Variants in LRRC75A observed in about 807,000 individuals in gnomAD.
LRRC75A encodes the protein leucine rich repeat containing 75A.
In LRRC75A, 12 loss-of-function variants were observed where a neutral mutation model predicts 26.0. The observed-to-expected ratio is 0.46, with a 90% CI of 0.30 to 0.75. The LOEUF is 0.75. Among genes scored for constraint, LRRC75A ranks in the 30% least tolerant of loss-of-function variants. The pLI, the probability that LRRC75A is intolerant of heterozygous loss-of-function variation, is 0.08. For synonymous variants in LRRC75A, 223 were observed against 219.3 expected (o/e 1.02, Z -0.15); for missense variants, 410 against 486.6 (o/e 0.84, Z 1.48).
intron 1 of LRRC75A, among the ~76,000 whole-genome samples, chr17:16,468,757 C>T (rs906694378): frequency 2.0e-5 from 3 of 152,204 alleles, no homozygotes; most frequent in African/African-American, 7.2e-5. Flanking sequence ...GGCCCGGTGG[C>T]TCATGCCTGT....
At chr17:16,472,620 C>T (rs997769919) in intron 1 of LRRC75A, among the ~76,000 whole-genome samples, 6 of 152,140 alleles carry the variant, frequency 3.9e-5, no homozygotes, top group African/African-American at 7.2e-5. Context: ...CTGGGGCATA[C>T]GGAAATCTGG....
chr17:16,445,786 A>G (rs35076500), intron 3 of LRRC75A, among the ~76,000 whole-genome samples: 52,717 of 152,182 alleles, frequency 0.35, 9,541 homozygotes, highest in Non-Finnish European at 0.38. Flanking sequence ...ATAAAGACCC[A>G]TTCCACCAGG....
intron 1 of LRRC75A, among the ~76,000 whole-genome samples, chr17:16,486,417 C>G (rs923561529): frequency 2.0e-5 from 3 of 152,222 alleles, no homozygotes; most frequent in Non-Finnish European, 4.4e-5. Context: ...ATTTCCCCAG[C>G]CAGTGTCCCT....
intron 1 of LRRC75A, among the ~76,000 whole-genome samples, chr17:16,468,421 T>G (rs1327467615): frequency 6.6e-6 from 1 of 152,146 alleles, no homozygotes; most frequent in Non-Finnish European, 1.5e-5. Context: ...TGGTGAACCT[T>G]GAGGACACAG....
At chr17:16,465,319 G>A (rs1451070881) in intron 1 of LRRC75A, among the ~76,000 whole-genome samples, 2 of 152,196 alleles carry the variant, frequency 1.3e-5, no homozygotes, top group Non-Finnish European at 2.9e-5. Context: ...GCCCCAACTC[G>A]CTGTAAGTCT....
At chr17:16,465,204 C>T (rs1255072270) in intron 1 of LRRC75A, among the ~76,000 whole-genome samples, 2 of 152,228 alleles carry the variant, frequency 1.3e-5, no homozygotes, top group African/African-American at 4.8e-5. Flanking sequence ...CACCCCTCTC[C>T]TCTGTGAGCA....
chr17:16,479,617 G>A, intron 1 of LRRC75A, among the ~76,000 whole-genome samples: 1 of 152,228 alleles, frequency 6.6e-6, no homozygotes, highest in South Asian at 2.1e-4. Flanking sequence ...AGGCATCCTT[G>A]AGTGACCTGA....
intron 1 of LRRC75A, among the ~76,000 whole-genome samples, chr17:16,485,586 G>C (rs1022129928): frequency 2.0e-5 from 3 of 151,756 alleles, no homozygotes; most frequent in African/African-American, 7.3e-5. Flanking sequence ...AGCCGGAAAG[G>C]ACTAAGACAG....
At chr17:16,478,950 G>A (rs7214658) in intron 1 of LRRC75A, among the ~76,000 whole-genome samples, 9 of 152,208 alleles carry the variant, frequency 5.9e-5, no homozygotes, top group South Asian at 2.1e-4. Flanking sequence ...GTTACTTACC[G>A]GGGTGGGAGC....
chr17:16,487,839 T>C (rs138397287), intron 1 of LRRC75A, among the ~76,000 whole-genome samples: 61 of 152,314 alleles, frequency 4.0e-4, no homozygotes, highest in African/African-American at 1.5e-3. Flanking sequence ...TTCCAGGCCC[T>C]AGCCATACCA....
At chr17:16,460,186 C>T (rs562147807) in intron 2 of LRRC75A, among the ~76,000 whole-genome samples, 52 of 152,286 alleles carry the variant, frequency 3.4e-4, no homozygotes, top group Admixed American at 6.5e-4. Flanking sequence ...TTGCCAGTCA[C>T]CAACCAGGCT....
intron 2 of LRRC75A, 166 bp from the exon 3 acceptor site, chr17:16,448,126 G>A (rs1257723764): frequency 1.5e-6 from 1 of 656,156 alleles, no homozygotes; most frequent in Non-Finnish European, 2.8e-6. Flanking sequence ...AGCAGTGGCT[G>A]CAAACAGATC....
intron 2 of LRRC75A, among the ~76,000 whole-genome samples, chr17:16,453,187 G>T (rs2093647089): frequency 6.6e-6 from 1 of 152,112 alleles, no homozygotes; most frequent in Non-Finnish European, 1.5e-5. Flanking sequence ...TACTTGGGAG[G>T]CTGTGGCAGG....
intron 1 of LRRC75A, among the ~76,000 whole-genome samples, chr17:16,488,027 G>A (rs1370313116): frequency 6.6e-5 from 10 of 152,246 alleles, no homozygotes; most frequent in Non-Finnish European, 1.2e-4. Context: ...TTTTTCTGCT[G>A]CTCCATGACG....
chr17:16,482,104 C>G (rs1034769936), intron 1 of LRRC75A, among the ~76,000 whole-genome samples: 3 of 152,194 alleles, frequency 2.0e-5, no homozygotes, highest in Admixed American at 6.5e-5. Flanking sequence ...GGAGAGAAAC[C>G]TGCCCCACTC....
chr17:16,458,309 G>C (rs1335288813), intron 2 of LRRC75A, among the ~76,000 whole-genome samples: 1 of 151,730 alleles, frequency 6.6e-6, no homozygotes, highest in Non-Finnish European at 1.5e-5. Flanking sequence ...TCTGTCAAAA[G>C]AAAGAAAGAA....
chr17:16,448,253 C>G (rs2093602957), intron 2 of LRRC75A: 1 of 405,798 alleles, frequency 2.5e-6, no homozygotes, highest in Non-Finnish European at 4.7e-6. Context: ...CTGCTGACCC[C>G]CTGGCCAAGA....
chr17:16,460,746 C>T (rs2143106134), intron 2 of LRRC75A: 1 of 152,402 alleles, frequency 6.6e-6, no homozygotes, highest in Admixed American at 6.5e-5. Context: ...CATAGCCCTC[C>T]TATTTCTTTT....
chr17:16,446,537 C>T (rs950185071), intron 3 of LRRC75A, among the ~76,000 whole-genome samples: 2 of 152,116 alleles, frequency 1.3e-5, no homozygotes, highest in African/African-American at 2.4e-5. Context: ...GCCAGTGTGG[C>T]TGGGGCGGGA....
Sources: gnomAD v4.1 joint callset for allele counts (sites outside exome capture counted in the v4.1 genomes callset) on GRCh38, gnomAD v4.1.1 for gene constraint, MANE v1.5 for transcripts, NCBI Gene and HGNC (gene_info 2026-07-23, HGNC 2026-07-21) for gene names.